Variants in ANKRD26 observed in about 807,000 individuals in gnomAD.
ANKRD26 encodes ankyrin repeat domain 26, also known as ankyrin repeat domain-containing protein 26.
In ANKRD26, 141 loss-of-function variants were observed where a neutral mutation model predicts 208.7. The observed-to-expected ratio is 0.68, with a 90% CI of 0.59 to 0.78. The LOEUF is 0.78. ANKRD26 is among the 30% of genes least tolerant of loss of function. The pLI, the probability that ANKRD26 is intolerant of heterozygous loss-of-function variation, is 0.00. For synonymous variants in ANKRD26, 636 were observed against 660.4 expected, an observed-to-expected ratio of 0.96 and a Z score of 0.57; for missense variants, 1,889 against 1,938.7, an observed-to-expected ratio of 0.97 and a Z score of 0.48.
intron 3 of ANKRD26, among the ~76,000 whole-genome samples, chr10:26,985,942 T>C (rs535216663): frequency 2.6e-5 from 4 of 152,136 alleles, no homozygotes; most frequent in Non-Finnish European, 5.9e-5. Context: ...AAAGTTCATA[T>C]GGAACCAAAA....
chr10:27,061,231 T>C lies in ANKRD26; in HGVS notation c.1375A>G (p.Ile459Val), dbSNP rs766032483. 1.9e-6 allele frequency: 3 copies of C among 1,597,614 alleles called. No individual in the cohort carries two copies. Among genetic ancestry groups the C allele is most frequent in the Middle Eastern group, 1.7e-4 (1 of 6,016 alleles). ...CTTGATCCACTCATGCAAGAAGGTA[T>C]ATAAAACACATCTAAGAAATAATAC... ...GNEQAEDVFY[I>V]PSCMSGSRNF... is the part of the protein sequence containing the mutation. The change falls in exon 13 of 34, where the codon ATA becomes GTA. Residue 459 changes from isoleucine (I) to valine (V), a missense_variant. Transcript: ENST00000376087.
rs1219787021 is a variant in ANKRD26, at chr10:27,046,336, G to T, written c.1985+17C>A. On this transcript the variant is annotated intron_variant, in intron 18 of 33. Transcript: ENST00000376087. ...TAACCTTCCTCCATAGAAAAATAAA[G>T]AAATCATAGATTTTACCTTCCTTCA... 6.2e-7 allele frequency: 1 copy of T among 1,612,538 alleles called. No individual in the cohort carries two copies. Among genetic ancestry groups the T allele is most frequent in the Non-Finnish European group, 8.5e-7 (1 of 1,179,218 alleles).
intron 32 of ANKRD26, among the ~76,000 whole-genome samples, chr10:27,007,847 A>G (rs2134824373): frequency 6.6e-6 from 1 of 152,280 alleles, no homozygotes; most frequent in South Asian, 2.1e-4. Flanking sequence ...ATATATTATA[A>G]ATAACATTTC....
chr10:27,009,138 C>T (rs1357170403), intron 32 of ANKRD26, among the ~76,000 whole-genome samples: 2 of 152,152 alleles, frequency 1.3e-5, no homozygotes, highest in Admixed American at 6.6e-5. Flanking sequence ...CATGCCTGGC[C>T]AACCCTTGAA....
intron 27 of ANKRD26, among the ~76,000 whole-genome samples, chr10:27,026,703 C>T (rs2053669767): frequency 6.6e-6 from 1 of 152,102 alleles, no homozygotes; most frequent in African/African-American, 2.4e-5. Flanking sequence ...TCAAGCAGAA[C>T]ATCAATAAAT....
chr10:27,053,400 T>C lies in ANKRD26; in HGVS notation c.1565-10A>G, dbSNP rs1272806874. On this transcript the variant is annotated splice_polypyrimidine_tract_variant and intron_variant, in intron 15 of 33. Coordinates refer to ENST00000376087, the MANE Select transcript of ANKRD26 (RefSeq NM_014915.3). ...TCTAAGTCATGTTCAGCTGAAAAAA[T>C]CCAAATATTTAGTTTAATGAACTAC... The C allele has an allele frequency of 2.5e-6, 4 of 1,601,708 alleles. No individual in the cohort carries two copies. In the South Asian group the frequency reaches 4.4e-5, roughly 18 times the overall value.
At chr10:26,959,867 T>C in the ANKRD26 span, among the ~76,000 whole-genome samples, 3 of 152,166 alleles carry the variant, frequency 2.0e-5, no homozygotes, top group African/African-American at 7.2e-5. Context: ...AGTTAACTTA[T>C]AACTTAGTAA....
chr10:26,986,541 G>T (rs1385110477), intron 3 of ANKRD26, among the ~76,000 whole-genome samples: 2 of 152,062 alleles, frequency 1.3e-5, no homozygotes, highest in Non-Finnish European at 2.9e-5. Context: ...CTGACAAAGG[G>T]CTAATATCCA....
At chr10:27,081,899 G>A (rs1195204341) in intron 6 of ANKRD26, among the ~76,000 whole-genome samples, 1 of 151,970 alleles carries the variant, frequency 6.6e-6, no homozygotes, top group Non-Finnish European at 1.5e-5. Context: ...ACCACGCCTG[G>A]CTAATTCTTT....
intron 15 of ANKRD26, among the ~76,000 whole-genome samples, chr10:27,058,309 A>G (rs2054913709): frequency 6.6e-6 from 1 of 152,188 alleles, no homozygotes. Context: ...GAGGTCACAT[A>G]ATGCATAATA....
At chr10:27,097,948 C>T (rs2056522047) in intron 1 of ANKRD26, among the ~76,000 whole-genome samples, 2 of 152,040 alleles carry the variant, frequency 1.3e-5, no homozygotes, top group Non-Finnish European at 2.9e-5. Context: ...CCATTGCATC[C>T]AGCCTAATTA....
intron 4 of ANKRD26, among the ~76,000 whole-genome samples, chr10:27,088,640 GT>G (rs1227033787): frequency 1.3e-5 from 2 of 152,144 alleles, no homozygotes; most frequent in African/African-American, 4.8e-5. Flanking sequence ...TCAACCACAA[GT>G]TGGTGGCCAC....
chr10:27,056,908 A>C (rs1170891102), intron 15 of ANKRD26, among the ~76,000 whole-genome samples: 1 of 152,190 alleles, frequency 6.6e-6, no homozygotes, highest in Non-Finnish European at 1.5e-5. Flanking sequence ...TGTGATTCAC[A>C]AAGGTCATGG....
intron 13 of ANKRD26, 125 bp downstream of exon 13, chr10:27,061,019 G>A: frequency 1.3e-6 from 1 of 774,914 alleles, no homozygotes; most frequent in South Asian, 1.5e-5. Context: ...GAAGCACACA[G>A]TTATGATGCC....
intron 30 of ANKRD26, among the ~76,000 whole-genome samples, chr10:27,017,270 C>T (rs2053327560): frequency 6.6e-6 from 1 of 152,058 alleles, no homozygotes; most frequent in Admixed American, 6.5e-5. Flanking sequence ...TTTATGCCAA[C>T]TGGTCTTAAT....
chr10:26,986,808 AG>A (rs1416346747), intron 3 of ANKRD26, among the ~76,000 whole-genome samples: 2 of 152,236 alleles, frequency 1.3e-5, no homozygotes, highest in Admixed American at 1.3e-4. Context: ...GTGGAGAAAT[AG>A]GAACACTTTT....
At chr10:27,053,460 G>A in intron 15 of ANKRD26, 70 bp from the exon 16 acceptor site, 1 of 993,060 alleles carries the variant, frequency 1.0e-6, no homozygotes, top group Non-Finnish European at 1.5e-6. Context: ...AGTCTTTACA[G>A]AAATAGAAAA....
intron 25 of ANKRD26, among the ~76,000 whole-genome samples, chr10:27,030,771 T>G (rs1455307458): frequency 6.6e-6 from 1 of 151,942 alleles, no homozygotes; most frequent in African/African-American, 2.4e-5. Context: ...AAAAATAAAA[T>G]AATAAAAATA....
At chr10:27,056,264 G>A (rs760473292) in intron 15 of ANKRD26, among the ~76,000 whole-genome samples, 2 of 152,030 alleles carry the variant, frequency 1.3e-5, no homozygotes, top group Admixed American at 6.5e-5. Context: ...TGCAACCTTC[G>A]CCTCCTAGGT....
Sources: allele counts gnomAD v4.1 joint callset (sites outside exome capture counted in the v4.1 genomes callset), GRCh38; gene constraint gnomAD v4.1.1; transcripts MANE v1.5; gene names NCBI Gene and HGNC (gene_info 2026-07-23, HGNC 2026-07-21).